UGT1A8: variants seen among roughly 807,000 people sequenced by gnomAD.
The protein encoded by UGT1A8 is UDP-glucuronosyltransferase 1A8.
A neutral mutation model predicts 45.3 loss-of-function variants in UGT1A8; 39 were observed. That is an observed-to-expected ratio of 0.86 (90% CI 0.67 to 1.12). UGT1A8 has a LOEUF of 1.12. Among genes scored for constraint, UGT1A8 ranks in the 50% most tolerant of loss-of-function variants. The probability of loss-of-function intolerance (pLI) is 0.00; values close to 1 mark genes in which losing one functional copy is unlikely to be tolerated. For missense variants in UGT1A8, 719 were observed against 664.9 expected (o/e 1.08, Z -0.90); for synonymous variants, 275 against 249.2 (o/e 1.10, Z -0.97).
intron 1 of UGT1A8, among the ~76,000 whole-genome samples, chr2:233,665,431 C>A (rs1006537622): frequency 6.6e-6 from 1 of 152,184 alleles, no homozygotes; most frequent in Non-Finnish European, 1.5e-5. Context: ...TCTCATTGAA[C>A]CCTGACTGCT....
chr2:233,729,641 T>C (rs2077899258), intron 1 of UGT1A8: 1 of 1,613,944 alleles, frequency 6.2e-7, no homozygotes, highest in Non-Finnish European at 8.5e-7. Flanking sequence ...ACTGTGTTTT[T>C]TTTGAGGAAC....
intron 1 of UGT1A8, chr2:233,648,949 G>T (rs561698132): frequency 1.0e-5 from 15 of 1,436,982 alleles, no homozygotes; most frequent in African/African-American, 8.4e-5. Flanking sequence ...CTTTGTTTTG[G>T]AGTATCCCAA....
intron 1 of UGT1A8, among the ~76,000 whole-genome samples, chr2:233,758,574 AAG>A (rs1434533042): frequency 6.6e-5 from 10 of 152,190 alleles, no homozygotes; most frequent in Admixed American, 3.3e-4. Flanking sequence ...CTAAAAAATG[AAG>A]AGTGTTTGGG....
chr2:233,636,469 A>G (rs975494260), intron 1 of UGT1A8: 58 of 1,564,546 alleles, frequency 3.7e-5, no homozygotes, highest in Non-Finnish European at 4.9e-5. Context: ...TCTTCCGCCT[A>G]CTGTATCATA....
intron 1 of UGT1A8, chr2:233,637,517 A>T: frequency 6.9e-7 from 1 of 1,443,100 alleles, no homozygotes; most frequent in Non-Finnish European, 9.1e-7. Context: ...TTTTGTGCGA[A>T]TTCATGTACT....
chr2:233,678,393 A>T (rs1313626087), intron 1 of UGT1A8, among the ~76,000 whole-genome samples: 1 of 152,100 alleles, frequency 6.6e-6, no homozygotes, highest in Non-Finnish European at 1.5e-5. Context: ...GTGGAGGAGG[A>T]GGAGTAGATG....
At chr2:233,687,291 G>A (rs558730054) in intron 1 of UGT1A8, among the ~76,000 whole-genome samples, 1 of 152,220 alleles carries the variant, frequency 6.6e-6, no homozygotes, top group South Asian at 2.1e-4. Context: ...GAACAACATG[G>A]TGAGATATCA....
At chr2:233,656,618 T>G (rs1319970777) in intron 1 of UGT1A8, among the ~76,000 whole-genome samples, 1 of 152,200 alleles carries the variant, frequency 6.6e-6, no homozygotes, top group Non-Finnish European at 1.5e-5. Context: ...TGTATCTGAT[T>G]GCCACAAAAA....
At chr2:233,710,173 T>C (rs1247013879) in intron 1 of UGT1A8, among the ~76,000 whole-genome samples, 2 of 152,262 alleles carry the variant, frequency 1.3e-5, no homozygotes, top group Non-Finnish European at 2.9e-5. Context: ...CATTTATTTA[T>C]TGATGGACAT....
chr2:233,725,667 A>G (rs756322842), intron 1 of UGT1A8, among the ~76,000 whole-genome samples: 6 of 152,188 alleles, frequency 3.9e-5, no homozygotes, highest in Non-Finnish European at 8.8e-5. Context: ...AATTTGGAAT[A>G]GTCACATTTC....
At chr2:233,651,844 C>T in intron 1 of UGT1A8, among the ~76,000 whole-genome samples, 1 of 152,196 alleles carries the variant, frequency 6.6e-6, no homozygotes, top group Non-Finnish European at 1.5e-5. Flanking sequence ...TGCAGTGTCT[C>T]AGATCCTACA....
intron 1 of UGT1A8, among the ~76,000 whole-genome samples, chr2:233,728,297 G>C (rs1288771373): frequency 6.6e-6 from 1 of 152,214 alleles, no homozygotes; most frequent in Non-Finnish European, 1.5e-5. Context: ...GAGGAATTCA[G>C]ACTGTGCAAG....
intron 1 of UGT1A8, among the ~76,000 whole-genome samples, chr2:233,668,551 A>G (rs931205380): frequency 7.2e-5 from 11 of 152,214 alleles, no homozygotes; most frequent in South Asian, 2.1e-4. Context: ...CATGATTTAT[A>G]ATCCTTTGGA....
intron 1 of UGT1A8, chr2:233,718,637 T>C (rs2125661399): frequency 6.9e-7 from 1 of 1,451,650 alleles, no homozygotes; most frequent in Non-Finnish European, 9.3e-7. Context: ...TTTCCCAGGG[T>C]TGGGCCCATA....
intron 1 of UGT1A8, chr2:233,721,987 C>T (rs1035516848): frequency 1.5e-5 from 4 of 261,572 alleles, no homozygotes; most frequent in Non-Finnish European, 2.3e-5. Flanking sequence ...GGTAGTTTCA[C>T]GAATGTCCTT....
rs1204267098 is a variant in UGT1A8 at position 233,693,294 on chromosome 2, A to G, written c.856-73740A>G. The stretch of plus-strand genomic sequence containing the variant: ...AACCGTTACCAATCATTTGGAAACA[A>G]TCACTTTGCTGAGCGATCATTCCTA... On this transcript the variant is annotated intron_variant, in intron 1 of 4. Transcript: ENST00000373450. The G allele has an allele frequency of 5.0e-6, 8 of 1,614,086 alleles. No individual in the cohort carries two copies. In the Middle Eastern group the frequency reaches 6.6e-4, roughly 133 times the overall value.
At chr2:233,748,830 A>T (rs1694040307) in intron 1 of UGT1A8, among the ~76,000 whole-genome samples, 1 of 151,290 alleles carries the variant, frequency 6.6e-6, no homozygotes, top group African/African-American at 2.5e-5. Flanking sequence ...TCTAGGGAGG[A>T]GATAAAACTG....
rs1190156529 is a variant in UGT1A8, at chr2:233,617,731, C to T, written c.24C>T (p.Ser8=). ...TCATGGCTCGCACAGGGTGGACCAGCCCCATTCCCCTATGTGTTTCTCTGC... is the reference window on the plus strand; with the variant it reads ...TCATGGCTCGCACAGGGTGGACCAGTCCCATTCCCCTATGTGTTTCTCTGC... MARTGWT[S]PIPLCVSLLL... Residue 8 remains serine, a synonymous_variant, in exon 1 of 5, where the codon AGC becomes AGT. Coordinates refer to ENST00000373450, the MANE Select transcript of UGT1A8 (RefSeq NM_019076.5). The T allele has an allele frequency of 1.2e-6, 2 of 1,613,878 alleles. No individual in the cohort carries two copies. The highest frequency in any genetic ancestry group is 1.7e-6 in the Non-Finnish European group (2 of 1,179,896).
chr2:233,682,394 T>G, intron 1 of UGT1A8: 1 of 1,614,020 alleles, frequency 6.2e-7, no homozygotes, highest in Non-Finnish European at 8.5e-7. Flanking sequence ...TTTTGATGCC[T>G]GTGGCTTAAT....
Sources: gnomAD v4.1 joint callset for allele counts (sites outside exome capture counted in the v4.1 genomes callset) on GRCh38, gnomAD v4.1.1 for gene constraint, MANE v1.5 for transcripts, NCBI Gene and HGNC (gene_info 2026-07-23, HGNC 2026-07-21) for gene names.